Variants in DUSP15 observed in about 807,000 individuals in gnomAD.
DUSP15 encodes dual specificity phosphatase 15.
A neutral mutation model predicts 26.3 loss-of-function variants in DUSP15; 23 were observed. The observed-to-expected ratio is 0.87, with a 90% CI of 0.63 to 1.24. The LOEUF is 1.24. Among genes scored for constraint, DUSP15 ranks in the 50% most tolerant of loss-of-function variants. The pLI, the probability that DUSP15 is intolerant of heterozygous loss-of-function variation, is 0.00. For missense variants in DUSP15, 364 were observed against 320.6 expected, an observed-to-expected ratio of 1.14 and a Z score of -1.03; for synonymous variants, 143 against 135.5, an observed-to-expected ratio of 1.06 and a Z score of -0.39.
upstream of DUSP15, chr20:31,870,555 G>A: frequency 2.7e-6 from 4 of 1,455,086 alleles, no homozygotes; most frequent in South Asian, 2.8e-5. This position sits in a 1 kb window ranked among gnomAD's most constrained non-coding sequence, Gnocchi z 6.6. Flanking sequence ...TGCCACCGCC[G>A]CCGCCGCAGG....
downstream of DUSP15, among the ~76,000 whole-genome samples, chr20:31,845,778 A>G (rs1243746564): frequency 6.6e-6 from 1 of 152,218 alleles, no homozygotes; most frequent in Non-Finnish European, 1.5e-5. Flanking sequence ...AGCAGCTGCC[A>G]GGGATGAGGA....
intron 9 of DUSP15, chr20:31,848,707 G>A: frequency 1.4e-6 from 2 of 1,479,436 alleles, no homozygotes; most frequent in Non-Finnish European, 1.8e-6. Context: ...GGTGCTAGAA[G>A]TGTCAGAGGC....
In DUSP15 at chr20:31,869,566, A is replaced by G. The variant is rs774152401; in HGVS notation, c.53T>C (p.Ile18Thr). The G allele has an allele frequency of 1.1e-5, 18 of 1,612,884 alleles. No individual in the cohort carries two copies. The highest frequency in any genetic ancestry group is 3.3e-5 in the Admixed American group (2 of 59,852). Residue 18 changes from isoleucine to threonine, a missense_variant and splice_region_variant, in exon 2 of 7, where the codon ATT becomes ACT. Coordinates refer to ENST00000339738, the MANE Select transcript of DUSP15 (RefSeq NM_080611.5). ...GGGACAGAGTGGGCAGTGCTCACCA[A>G]TGAAGTTTCCGAGGTAGAGTCCAGG... ...VLPGLYLGNF[I>T]DAKDLDQLGR... is the part of the protein sequence containing the mutation.
At chr20:31,848,239 G>A in exon 10 of DUSP15, 1 of 641,524 alleles carries the variant, frequency 1.6e-6, no homozygotes, top group Non-Finnish European at 2.5e-6. Context: ...GGGCGGTGTG[G>A]CCTACTCTCG....
At chr20:31,861,724 G>T in intron 6 of DUSP15, 49 bp from the exon 7 acceptor site, 1 of 1,347,700 alleles carries the variant, frequency 7.4e-7, no homozygotes, top group Non-Finnish European at 9.5e-7. Context: ...CGCGGGGCGG[G>T]GTCAAGGCAG....
downstream of DUSP15, among the ~76,000 whole-genome samples, chr20:31,846,571 C>G (rs190450723): frequency 2.0e-4 from 31 of 152,242 alleles, no homozygotes; most frequent in East Asian, 5.4e-3. Flanking sequence ...TTTCCCTCTT[C>G]TCCCAGGCCT....
rs1382473512 is a variant in DUSP15, at chr20:31,870,469, C to T, written c.-132G>A. 3.1e-6 allele frequency: 4 copies of T among 1,299,932 alleles called. No homozygotes were observed. The highest frequency in any genetic ancestry group is 1.5e-5 in the African/African-American group (1 of 64,640). 80.5% of individuals were successfully genotyped at this position (1,299,932 alleles called of 1,614,324 possible). On this transcript the variant is annotated 5_prime_UTR_variant, in exon 1 of 7. Transcript: ENST00000339738. This position sits in a 1 kb window ranked among gnomAD's most constrained non-coding sequence, Gnocchi z 6.6. ...AACGGGGGGCCTGGCGTCCGCGGCC[C>T]TGCCCAGCCCTGCCCAGCCACCGCC...
chr20:31,870,654 C>T, upstream of DUSP15: 1 of 1,261,304 alleles, frequency 7.9e-7, no homozygotes, highest in Non-Finnish European at 1.0e-6. This position sits in a 1 kb window ranked among gnomAD's most constrained non-coding sequence, Gnocchi z 6.6. Context: ...GCCCACGGCC[C>T]GCGGGACAAC....
chr20:31,867,631 G>GTTTTTTTTTTTTGTTTTTTTTTTTTTTT (rs2062797653), intron 2 of DUSP15, among the ~76,000 whole-genome samples: 4 of 77,652 alleles, frequency 5.2e-5, no homozygotes, highest in Admixed American at 1.9e-4. Flanking sequence ...TGCCCACAAT[G>GTTTTTTTTTTTTGTTTTTTTTTTTTTTT]TTTTTTTTTT....
chr20:31,859,809 G>A (rs540033264), downstream of DUSP15, among the ~76,000 whole-genome samples: 5 of 152,116 alleles, frequency 3.3e-5, no homozygotes, highest in East Asian at 1.9e-4. Flanking sequence ...TAAATGGGGC[G>A]TCTGGCAGCA....
At chr20:31,845,716 C>T (rs2062371178), downstream of DUSP15, 1 of 733,138 alleles carries the variant, frequency 1.4e-6, no homozygotes, top group Admixed American at 2.9e-5. Flanking sequence ...CCTCGCCCCA[C>T]TCCCACAAGG....
chr20:31,865,006 C>T lies in DUSP15; in HGVS notation c.139-4G>A. 1 of 1,614,110 alleles carries T rather than the reference C, an allele frequency of 6.2e-7. No homozygotes were observed. The highest frequency in any genetic ancestry group is 8.5e-7 in the Non-Finnish European group (1 of 1,180,010). On this transcript the variant is annotated splice_region_variant and splice_polypyrimidine_tract_variant and intron_variant, in intron 3 of 6. Transcript: ENST00000339738. ...GGATGCGAAGGTAGGTGATATCCTG[C>T]AAGTACAAAATACACTCAGGCAGGG...
chr20:31,860,974 C>T, downstream of DUSP15: 1 of 1,001,006 alleles, frequency 1.0e-6, no homozygotes, highest in Non-Finnish European at 1.2e-6. Context: ...CCCTCGCATC[C>T]CCTTTTCTGC....
chr20:31,848,643 A>G, intron 9 of DUSP15: 5 of 1,474,764 alleles, frequency 3.4e-6, no homozygotes, highest in South Asian at 1.4e-5. Context: ...TCACAGCCCT[A>G]GTTACAGCCC....
In DUSP15 at chr20:31,861,626, T is replaced by G; in HGVS notation, c.485A>C (p.Glu162Ala). The G allele has an allele frequency of 7.2e-7, 1 of 1,387,424 alleles. No individual in the cohort carries two copies. The highest frequency in any genetic ancestry group is 9.4e-7 in the Non-Finnish European group (1 of 1,066,332). The allele number at this position is 1,387,424 out of a possible 1,614,324, so 85.9% of individuals were successfully genotyped here. A position where few individuals can be genotyped will look rare whatever the true frequency, so the allele number is the denominator to read the frequency against. Residue 162 changes from glutamate to alanine, a missense_variant, in exon 7 of 7, where the codon GAG (glutamate) becomes GCG (alanine). Physicochemically the swap from Glu to Ala is moderately radical, Grantham distance 107 (BLOSUM62 -1). Transcript: ENST00000339738. ...CGGCAGCAGCGCGCGCAACTCCTCC[T>G]CGTCGCGGAAGGGGCTCTCGCCGAA... Reference protein sequence around the residue: ...ERFGESPFRDEEELRALLPLC... With the variant: ...ERFGESPFRDAEELRALLPLC...
chr20:31,851,743 T>C (rs972811888), intron 6 of DUSP15, among the ~76,000 whole-genome samples: 3 of 152,064 alleles, frequency 2.0e-5, no homozygotes, highest in Admixed American at 6.5e-5. Context: ...CTGCAGGGGC[T>C]GGAAGAACAC....
At chr20:31,857,556 T>C (rs2062580868), downstream of DUSP15, among the ~76,000 whole-genome samples, 1 of 152,184 alleles carries the variant, frequency 6.6e-6, no homozygotes, top group Non-Finnish European at 1.5e-5. Flanking sequence ...GAACTGCCCC[T>C]CCTGGGCCTC....
downstream of DUSP15, among the ~76,000 whole-genome samples, chr20:31,856,363 G>A (rs1371082682): frequency 6.6e-6 from 1 of 152,150 alleles, no homozygotes; most frequent in African/African-American, 2.4e-5. Flanking sequence ...GCAATGGGGA[G>A]CTATGGAATG....
intron 5 of DUSP15, 85 bp from the exon 6 acceptor site, chr20:31,862,827 C>A: frequency 7.3e-7 from 1 of 1,372,762 alleles, no homozygotes; most frequent in African/African-American, 1.4e-5. Context: ...TTCAACTCCC[C>A]CACCCTTGCC....
Sources: gnomAD v4.1 joint callset for allele counts (sites outside exome capture counted in the v4.1 genomes callset) on GRCh38, gnomAD v4.1.1 for gene constraint, Gnocchi (gnomAD v3.1) non-coding constraint, MANE v1.5 for transcripts, NCBI Gene and HGNC (gene_info 2026-07-23, HGNC 2026-07-21) for gene names.